The following UBE2R2 variants were observed in gnomAD, a reference collection of about 807,000 sequenced individuals.
UBE2R2 encodes the protein ubiquitin conjugating enzyme E2 R2.
In UBE2R2, 1 loss-of-function variant was observed where a neutral mutation model predicts 27.8. The ratio of observed to expected loss-of-function variants is 0.04; its 90% CI spans 0.01 to 0.17. The LOEUF (loss-of-function observed/expected upper bound fraction) is 0.17, where lower values mean the gene tolerates loss of function less well. Among genes scored for constraint, UBE2R2 ranks in the 10% least tolerant of loss-of-function variants. The pLI, the probability that UBE2R2 is intolerant of heterozygous loss-of-function variation, is 1.00. For missense variants in UBE2R2, 100 were observed against 291.0 expected (o/e 0.34, Z 4.78); for synonymous variants, 106 against 113.3 (o/e 0.94, Z 0.41).
chr9:33,825,254 T>TC (rs1327561308), intron 1 of UBE2R2, among the ~76,000 whole-genome samples: 1 of 127,986 alleles, frequency 7.8e-6, no homozygotes, highest in East Asian at 2.0e-4. Context: ...CTTTTTTTTT[T>TC]TTTTTTTTTG....
chr9:33,865,212 A>ATCTG (rs1184793194), intron 1 of UBE2R2, among the ~76,000 whole-genome samples: 2 of 148,150 alleles, frequency 1.3e-5, no homozygotes, highest in Admixed American at 1.4e-4. Flanking sequence ...CTATCTATCT[A>ATCTG]TTTTTTTAAG....
intron 1 of UBE2R2, among the ~76,000 whole-genome samples, chr9:33,824,608 T>A (rs1336436568): frequency 6.8e-6 from 1 of 146,324 alleles, no homozygotes; most frequent in African/African-American, 2.6e-5. Flanking sequence ...CACTGCTCTC[T>A]AGCCTGGGCG....
At chr9:33,859,714 G>A (rs1227645089) in intron 1 of UBE2R2, among the ~76,000 whole-genome samples, 2 of 150,902 alleles carry the variant, frequency 1.3e-5, no homozygotes, top group Admixed American at 6.6e-5. Flanking sequence ...TTATTTAAAT[G>A]TAGGTTTAAT....
chr9:33,862,486 T>C (rs1318987388), intron 1 of UBE2R2, among the ~76,000 whole-genome samples: 2 of 152,222 alleles, frequency 1.3e-5, no homozygotes, highest in African/African-American at 4.8e-5. Context: ...GTTTGACATA[T>C]ATTTCTCTCT....
chr9:33,868,919 G>C (rs563683994), intron 1 of UBE2R2, among the ~76,000 whole-genome samples: 6 of 152,254 alleles, frequency 3.9e-5, no homozygotes, highest in Non-Finnish European at 8.8e-5. Context: ...CTACTTAATA[G>C]TATGTTAATA....
At chr9:33,815,473 A>C (rs1360305509), upstream of UBE2R2, among the ~76,000 whole-genome samples, 1 of 152,232 alleles carries the variant, frequency 6.6e-6, no homozygotes, top group Non-Finnish European at 1.5e-5. Flanking sequence ...GGCTGGGCAC[A>C]GTGGCTCACG....
At chr9:33,844,577 A>C (rs2265540) in intron 1 of UBE2R2, among the ~76,000 whole-genome samples, 143,106 of 146,174 alleles carry the variant, frequency 0.98, 70,128 homozygotes, top group East Asian at 1. Flanking sequence ...GATTCCATTT[A>C]AGGTTGAACT....
intron 1 of UBE2R2, among the ~76,000 whole-genome samples, chr9:33,825,884 G>C (rs2130717506): frequency 6.6e-6 from 1 of 152,182 alleles, no homozygotes; most frequent in East Asian, 1.9e-4. Context: ...GCTCACACCT[G>C]TAATCCCAGC....
intron 1 of UBE2R2, among the ~76,000 whole-genome samples, chr9:33,837,799 T>C (rs1179869148): frequency 6.6e-6 from 1 of 151,768 alleles, no homozygotes; most frequent in Admixed American, 6.6e-5. Flanking sequence ...GCATTCCTCC[T>C]ACAGTGTTAA....
chr9:33,823,977 G>T (rs1426751793), intron 1 of UBE2R2, among the ~76,000 whole-genome samples: 1 of 152,144 alleles, frequency 6.6e-6, no homozygotes, highest in Non-Finnish European at 1.5e-5. Flanking sequence ...GGAAGATGAA[G>T]TTGTCTTGAG....
At chr9:33,822,469 C>T (rs1011061735) in intron 1 of UBE2R2, among the ~76,000 whole-genome samples, 12 of 150,336 alleles carry the variant, frequency 8.0e-5, no homozygotes, top group African/African-American at 2.9e-4. Context: ...CTTTGTTGCC[C>T]AGGCTGGAGT....
Position 33,822,752 on chromosome 9 carries a change from A to G in UBE2R2, c.177+4818A>G, listed in dbSNP as rs1043858581. Among the ~76,000 whole-genome samples the G allele has an allele frequency of 2.6e-5, 4 of 151,496 alleles. No individual in the cohort carries two copies. The South Asian group carries it at 8.3e-4, about 32-fold the overall frequency. On this transcript the variant is annotated intron_variant, in intron 1 of 4. Transcript: ENST00000263228. ...ATAATTTTTTTTTTAATAAGAGAATATGCATTATTTCCTATGCTTCATTTG... is the reference window on the plus strand; with the variant it reads ...ATAATTTTTTTTTTAATAAGAGAATGTGCATTATTTCCTATGCTTCATTTG...
intron 1 of UBE2R2, among the ~76,000 whole-genome samples, chr9:33,838,521 A>G (rs1188004654): frequency 6.6e-6 from 1 of 151,750 alleles, no homozygotes; most frequent in African/African-American, 2.4e-5. Context: ...TTTTTTTTAA[A>G]TTGAGGTGTA....
intron 1 of UBE2R2, among the ~76,000 whole-genome samples, chr9:33,841,861 A>G (rs1048204871): frequency 1.3e-5 from 2 of 152,150 alleles, no homozygotes; most frequent in African/African-American, 4.8e-5. Flanking sequence ...TACCATAACC[A>G]ATGTGATTGC....
rs1409983321 is a variant in UBE2R2 at position 33,817,750 on chromosome 9, C to T, written c.-8C>T. 6.6e-7 allele frequency: 1 copy of T among 1,525,894 alleles called. No individual in the cohort carries two copies. 94.5% of individuals were successfully genotyped at this position (1,525,894 alleles called of 1,614,324 possible). A position where few individuals can be genotyped will look rare whatever the true frequency, so the allele number is the denominator to read the frequency against. On this transcript the variant is annotated 5_prime_UTR_variant, in exon 1 of 5. Coordinates refer to ENST00000263228, the MANE Select transcript of UBE2R2 (RefSeq NM_017811.4). ...GGGCCCGGCGCCGCCGCCGCCGCCG[C>T]CGCCGCGATGGCCCAGCAGCAGATG...
chr9:33,885,515 A>G (rs1362196911), intron 1 of UBE2R2, among the ~76,000 whole-genome samples: 2 of 152,254 alleles, frequency 1.3e-5, no homozygotes, highest in Non-Finnish European at 2.9e-5. Flanking sequence ...GGGAACCATT[A>G]GAAAAGTAAA....
At chr9:33,848,537 C>G (rs148720128) in intron 1 of UBE2R2, among the ~76,000 whole-genome samples, 289 of 152,210 alleles carry the variant, frequency 1.9e-3, no homozygotes, top group African/African-American at 6.2e-3. Context: ...AGTATATCAC[C>G]TCAGTTTCAA....
intron 1 of UBE2R2, among the ~76,000 whole-genome samples, chr9:33,873,640 A>G (rs559810577): frequency 6.6e-6 from 1 of 152,232 alleles, no homozygotes; most frequent in East Asian, 1.9e-4. Flanking sequence ...TGTAATTTAT[A>G]TTAAAACTTT....
In UBE2R2 at chr9:33,837,420, CTTTTTTTTT is replaced by C. The variant is rs374681097; in HGVS notation, c.177+19496_177+19504del. Reference sequence around the variant, plus strand: ...TTTTCAGTTTAGGCAGCTGCTGCTTCTTTTTTTTTTTTTTTTTTGAGACAGGGTCTGCTC... The same window carrying C: ...TTTTCAGTTTAGGCAGCTGCTGCTTCTTTTTTTTTGAGACAGGGTCTGCTC... On this transcript the variant is annotated intron_variant, in intron 1 of 4. Transcript: ENST00000263228. Among the ~76,000 whole-genome samples the C allele has an allele frequency of 2.4e-5, 3 of 126,650 alleles. No individual in the cohort carries two copies. The South Asian group carries it at 7.8e-4, about 33-fold the overall frequency. 83.1% of individuals were successfully genotyped at this position (126,650 alleles called of 152,430 possible).
Sources: allele counts gnomAD v4.1 joint callset (sites outside exome capture counted in the v4.1 genomes callset), GRCh38; gene constraint gnomAD v4.1.1; transcripts MANE v1.5; gene names NCBI Gene and HGNC (gene_info 2026-07-23, HGNC 2026-07-21).